Variants in PGRMC2 observed in about 807,000 individuals in gnomAD.
PGRMC2 encodes the protein progesterone receptor membrane component 2.
A neutral mutation model predicts 19.3 loss-of-function variants in PGRMC2; 9 were observed. The observed-to-expected ratio is 0.47, with a 90% CI of 0.28 to 0.81. The LOEUF (loss-of-function observed/expected upper bound fraction) is 0.81, where lower values mean the gene tolerates loss of function less well. Among genes scored for constraint, PGRMC2 ranks in the 40% least tolerant of loss-of-function variants. The pLI is 0.11. For missense variants in PGRMC2, 289 were observed against 297.3 expected, an observed-to-expected ratio of 0.97 and a Z score of 0.21; for synonymous variants, 157 against 124.6, an observed-to-expected ratio of 1.26 and a Z score of -1.73.
At chr4:128,286,640 C>A (rs539534104) in intron 1 of PGRMC2, 4 of 398,352 alleles carry the variant, frequency 1.0e-5, no homozygotes, top group African/African-American at 4.1e-5. Flanking sequence ...AGGAGCTCCA[C>A]CCCCAAAACT....
intron 1 of PGRMC2, chr4:128,286,655 G>A (rs995035924): frequency 5.3e-5 from 21 of 398,378 alleles, no homozygotes; most frequent in South Asian, 1.3e-4. Context: ...AAAACTCAAG[G>A]TGAATATCCT....
In PGRMC2 at chr4:128,277,127, A is replaced by G. The variant is rs548555464; in HGVS notation, c.419-4610T>C. Among the ~76,000 whole-genome samples the G allele has an allele frequency of 5.3e-5, 8 of 152,216 alleles. No homozygotes were observed. In the South Asian group the frequency reaches 1.2e-3, roughly 24 times the overall value. On this transcript the variant is annotated intron_variant, in intron 1 of 2. Transcript: ENST00000296425. ...AGCTGAGATCTCGCCACTGCACACC[A>G]GCCTAGGCGACAGAGCGAGACTCCA...
At position 128,271,953 on chromosome 4, in the gene PGRMC2, T is replaced by C. The variant is rs41298573; in HGVS notation, c.574+409A>G. Among the ~76,000 whole-genome samples, 185 of 152,380 alleles carry C rather than the reference T, an allele frequency of 1.2e-3. 1 individual carries two copies. In the East Asian group the frequency reaches 0.017, roughly 14 times the overall value. On this transcript the variant is annotated intron_variant, in intron 2 of 2. Transcript: ENST00000296425. ...CAACTCAGTTTTAAATATAAGCCTG[T>C]ATTTTTAAAAAACTAAACCTTAATG...
chr4:128,287,323 G>C (rs970768515), intron 1 of PGRMC2, 50 bp downstream of exon 1: 1 of 1,552,618 alleles, frequency 6.4e-7, no homozygotes, highest in Non-Finnish European at 8.7e-7. Context: ...TCCGAAGGGG[G>C]TTGTGCTTCA....
chr4:128,280,105 A>T (rs943467470), intron 1 of PGRMC2, among the ~76,000 whole-genome samples: 1 of 152,276 alleles, frequency 6.6e-6, no homozygotes, highest in East Asian at 1.9e-4. Context: ...TGAAGATAAT[A>T]AGTTCACAAT....
intron 1 of PGRMC2, among the ~76,000 whole-genome samples, chr4:128,285,952 G>A (rs1221037220): frequency 1.4e-4 from 22 of 151,968 alleles, no homozygotes; most frequent in Admixed American, 1.4e-3. Flanking sequence ...ATACACAGAA[G>A]TACAAACAAC....
chr4:128,278,225 C>T (rs1036158841), intron 1 of PGRMC2, among the ~76,000 whole-genome samples: 11 of 152,094 alleles, frequency 7.2e-5, no homozygotes, highest in African/African-American at 2.7e-4. Flanking sequence ...AATTAATGAA[C>T]ACTAAAGATA....
intron 1 of PGRMC2, chr4:128,286,520 T>G (rs941778224): frequency 2.5e-6 from 1 of 395,884 alleles, no homozygotes; most frequent in East Asian, 3.6e-5. Context: ...ACAACTCTTC[T>G]AAGTTTTTTC....
chr4:128,271,454 T>G (rs755779098), intron 2 of PGRMC2, 41 bp from the exon 3 acceptor site: 2 of 1,027,518 alleles, frequency 1.9e-6, no homozygotes, highest in African/African-American at 3.1e-5. Flanking sequence ...TGATCAAATT[T>G]GTTTCACTAT....
Position 128,270,403 on chromosome 4 carries a change from GTT to G in PGRMC2, c.*911_*912del, listed in dbSNP as rs1222290806. 3.9e-5 allele frequency: 6 copies of G among 152,572 alleles called. No individual in the cohort carries two copies. The highest frequency in any genetic ancestry group is 8.8e-5 in the Non-Finnish European group (6 of 68,030). The allele number at this position is 152,572 out of a possible 1,614,324, so 9.5% of individuals were successfully genotyped here. A position where few individuals can be genotyped will look rare whatever the true frequency, so the allele number is the denominator to read the frequency against. ...ATTTGGCCATTACAATGCTAATTGA[GTT>G]TGTGTATATTACATATATGGCAGTT... On this transcript the variant is annotated 3_prime_UTR_variant, in exon 3 of 3. Transcript: ENST00000296425.
rs1022883678 is a variant in PGRMC2 at position 128,280,590 on chromosome 4, T to C, written c.418+6783A>G. Among the ~76,000 whole-genome samples the C allele has an allele frequency of 1.1e-4, 16 of 151,608 alleles. No individual in the cohort carries two copies. In the South Asian group the frequency reaches 1.5e-3, roughly 14 times the overall value. ...ACAGTGGCATAACGCTACTCAAGAG[T>C]TGAGGTATAATAAGGTCAATTTACA... On this transcript the variant is annotated intron_variant, in intron 1 of 2. Coordinates refer to ENST00000296425, the MANE Select transcript of PGRMC2 (RefSeq NM_006320.6).
intron 1 of PGRMC2, among the ~76,000 whole-genome samples, chr4:128,284,392 A>G (rs1760954283): frequency 6.6e-6 from 1 of 152,168 alleles, no homozygotes; most frequent in Admixed American, 6.5e-5. Context: ...AAATTAATGG[A>G]TCTGATATTG....
chr4:128,278,381 C>T (rs1760847808), intron 1 of PGRMC2, among the ~76,000 whole-genome samples: 1 of 151,964 alleles, frequency 6.6e-6, no homozygotes, highest in African/African-American at 2.4e-5. Context: ...CCAACCTGGC[C>T]AAGATGGTGA....
intron 1 of PGRMC2, among the ~76,000 whole-genome samples, chr4:128,282,406 C>T (rs548684255): frequency 1.3e-5 from 2 of 152,198 alleles, no homozygotes; most frequent in South Asian, 2.1e-4. Context: ...ATTAAATCTA[C>T]TCCTTTCTTC....
chr4:128,272,290 G>A lies in PGRMC2; in HGVS notation c.574+72C>T, dbSNP rs1760742103. The A allele has an allele frequency of 3.4e-6, 3 of 895,138 alleles. No individual in the cohort carries two copies. The South Asian group carries it at 1.0e-4, about 30-fold the overall frequency. 55.4% of individuals were successfully genotyped at this position (895,138 alleles called of 1,614,324 possible). On this transcript the variant is annotated intron_variant, in intron 2 of 2. Transcript: ENST00000296425. ...CGGATGACATCCTTAGGCTCTTAAA[G>A]CATGTAAAATAGTATATATTTTCTT... is the stretch of plus-strand genomic sequence containing the variant.
At chr4:128,278,740 A>G (rs1760855612) in intron 1 of PGRMC2, among the ~76,000 whole-genome samples, 1 of 152,206 alleles carries the variant, frequency 6.6e-6, no homozygotes, top group Non-Finnish European at 1.5e-5. Flanking sequence ...TATAATACAT[A>G]ACTTAGCAGC....
At chr4:128,283,802 C>G (rs1177465914) in intron 1 of PGRMC2, among the ~76,000 whole-genome samples, 1 of 152,000 alleles carries the variant, frequency 6.6e-6, no homozygotes, top group Admixed American at 6.6e-5. Context: ...GGATTACAGG[C>G]ACCCACCATC....
intron 1 of PGRMC2, among the ~76,000 whole-genome samples, chr4:128,284,854 C>A (rs1016105891): frequency 3.4e-4 from 52 of 152,192 alleles, no homozygotes; most frequent in Non-Finnish European, 6.6e-4. Flanking sequence ...AAAAGTACTA[C>A]TTATTACATT....
intron 1 of PGRMC2, among the ~76,000 whole-genome samples, chr4:128,286,017 T>G (rs936082911): frequency 6.7e-6 from 1 of 149,170 alleles, no homozygotes; most frequent in Admixed American, 6.8e-5. Flanking sequence ...TTATCCCTAT[T>G]CCAATGAACA....
Sources: gnomAD v4.1 joint callset for allele counts (sites outside exome capture counted in the v4.1 genomes callset) on GRCh38, gnomAD v4.1.1 for gene constraint, MANE v1.5 for transcripts, NCBI Gene and HGNC (gene_info 2026-07-23, HGNC 2026-07-21) for gene names.